The following GPHN variants were observed in gnomAD, a reference collection of about 807,000 sequenced individuals.
GPHN encodes gephyrin.
A neutral mutation model predicts 95.5 loss-of-function variants in GPHN; 17 were observed. The ratio of observed to expected loss-of-function variants is 0.18; its 90% confidence interval spans 0.12 to 0.27. The LOEUF is 0.27. Ranked by LOEUF, GPHN falls within the 10% of genes least tolerant of loss-of-function variation. GPHN has a pLI of 1.00. For synonymous variants in GPHN, 320 were observed against 322.5 expected (o/e 0.99, Z 0.08); for missense variants, 660 against 978.1 (o/e 0.67, Z 4.34).
the GPHN span, chr14:67,349,091 G>A: frequency 6.2e-7 from 1 of 1,613,968 alleles, no homozygotes; most frequent in Non-Finnish European, 8.5e-7. Flanking sequence ...TTGACATTTT[G>A]GATAACTGTA....
intron 8 of GPHN, among the ~76,000 whole-genome samples, chr14:66,951,690 G>C (rs905889701): frequency 5.3e-5 from 8 of 152,142 alleles, no homozygotes; most frequent in African/African-American, 1.9e-4. Context: ...TACGATTAAA[G>C]TAACTTCTTA....
intron 1 of GPHN, among the ~76,000 whole-genome samples, chr14:66,639,636 A>G (rs892092610): frequency 6.6e-6 from 1 of 152,164 alleles, no homozygotes; most frequent in African/African-American, 2.4e-5. Context: ...GGCATTTGAA[A>G]AGTTAAGCTA....
In GPHN at chr14:66,902,875, T is replaced by C. The variant is rs528785283; in HGVS notation, c.390-13128T>C. ...TCAGGGTAATGCTGGCCGCATAGAA[T>C]GACTTTGAAAGTATTCCCTCCTCTT... On this transcript the variant is annotated intron_variant, in intron 5 of 22. Coordinates refer to ENST00000478722, the MANE Select transcript of GPHN (RefSeq NM_020806.5). 3.5e-4 allele frequency among the ~76,000 whole-genome samples: 53 copies of C among 152,270 alleles called. 1 individual carries two copies. The highest frequency in any genetic ancestry group is 1.3e-3 in the African/African-American group (52 of 41,582).
At chr14:67,715,450 G>A in the GPHN span, among the ~76,000 whole-genome samples, 1 of 152,152 alleles carries the variant, frequency 6.6e-6, no homozygotes, top group Non-Finnish European at 1.5e-5. Context: ...TGACTTCACC[G>A]ATTGCTGTAA....
chr14:66,641,117 A>G (rs2064377527), intron 1 of GPHN, among the ~76,000 whole-genome samples: 2 of 152,232 alleles, frequency 1.3e-5, no homozygotes, highest in Non-Finnish European at 1.5e-5. Flanking sequence ...AAGGTAGACT[A>G]TAAGATAAAG....
At chr14:67,270,003 GTTTA>G in the GPHN span, 1 of 152,198 alleles carries the variant, frequency 6.6e-6, no homozygotes, top group Non-Finnish European at 1.5e-5. Context: ...GACTGAACAT[GTTTA>G]TGCGTATGAA....
chr14:67,560,056 T>G, the GPHN span, among the ~76,000 whole-genome samples: 4 of 152,236 alleles, frequency 2.6e-5, no homozygotes, highest in African/African-American at 9.6e-5. Context: ...AGACAGAGTC[T>G]CGCTCTCTCG....
the GPHN span, among the ~76,000 whole-genome samples, chr14:67,521,947 C>T: frequency 6.6e-5 from 10 of 152,162 alleles, no homozygotes; most frequent in African/African-American, 1.7e-4. Context: ...GAGGCTGAGG[C>T]GGGTGGATCA....
intron 1 of GPHN, among the ~76,000 whole-genome samples, chr14:66,520,119 C>G (rs373314319): frequency 6.6e-6 from 1 of 151,980 alleles, no homozygotes; most frequent in Admixed American, 6.6e-5. Context: ...TAATTAGTCC[C>G]TAATTGATGG....
At chr14:67,294,336 G>A in the GPHN span, 1 of 152,122 alleles carries the variant, frequency 6.6e-6, no homozygotes, top group South Asian at 2.1e-4. Flanking sequence ...TCAACAAGGA[G>A]AGGAATGTTA....
At chr14:66,713,829 C>T (rs1407713661) in intron 2 of GPHN, among the ~76,000 whole-genome samples, 5 of 151,902 alleles carry the variant, frequency 3.3e-5, no homozygotes, top group African/African-American at 4.8e-5. Context: ...AGTGCAGTGA[C>T]GTGATCTTGG....
the GPHN span, among the ~76,000 whole-genome samples, chr14:67,426,008 G>A: frequency 6.6e-6 from 1 of 151,788 alleles, no homozygotes; most frequent in Non-Finnish European, 1.5e-5. Context: ...GCCTCCCAAA[G>A]TGCTGGGATT....
At chr14:66,530,953 A>T (rs1160781190) in intron 1 of GPHN, among the ~76,000 whole-genome samples, 26 of 121,176 alleles carry the variant, frequency 2.1e-4, no homozygotes, top group African/African-American at 6.5e-4. Flanking sequence ...TGTTTGTTAG[A>T]TTTTTTTTTT....
chr14:67,284,567 A>AC, the GPHN span, among the ~76,000 whole-genome samples: 56 of 141,518 alleles, frequency 4.0e-4, no homozygotes, highest in African/African-American at 1.4e-3. Flanking sequence ...AAAAAAAAAA[A>AC]AAAAAAAAAA....
chr14:66,840,970 GATAGATATAGATATAGAT>G (rs55658047), intron 4 of GPHN, among the ~76,000 whole-genome samples: 16,668 of 121,206 alleles, frequency 0.14, 1,208 homozygotes, highest in African/African-American at 0.16. Flanking sequence ...AAGCCTACTA[GATAGATATAGATATAGAT>G]ATAGATATAG....
At chr14:66,543,932 T>C (rs2059441414) in intron 1 of GPHN, among the ~76,000 whole-genome samples, 2 of 152,232 alleles carry the variant, frequency 1.3e-5, no homozygotes, top group South Asian at 4.1e-4. Context: ...CTTCAAAAAG[T>C]AAGTGAAATA....
intron 6 of GPHN, among the ~76,000 whole-genome samples, chr14:66,918,116 T>C (rs2066006684): frequency 6.6e-6 from 1 of 152,200 alleles, no homozygotes; most frequent in Non-Finnish European, 1.5e-5. Flanking sequence ...TCATGATTAT[T>C]GTTCATTGCA....
At chr14:67,423,111 G>A in the GPHN span, among the ~76,000 whole-genome samples, 1 of 152,034 alleles carries the variant, frequency 6.6e-6, no homozygotes, top group Non-Finnish European at 1.5e-5. Flanking sequence ...GGGATTACAG[G>A]GGTGAGCCAC....
chr14:67,687,127 C>T, the GPHN span, among the ~76,000 whole-genome samples: 2 of 152,208 alleles, frequency 1.3e-5, no homozygotes, highest in Admixed American at 6.5e-5. Flanking sequence ...AACCAAATCT[C>T]TCTCAGAAGT....
Sources: gnomAD v4.1 joint callset for allele counts (sites outside exome capture counted in the v4.1 genomes callset) on GRCh38, gnomAD v4.1.1 for gene constraint, MANE v1.5 for transcripts, NCBI Gene and HGNC (gene_info 2026-07-23, HGNC 2026-07-21) for gene names.